Variants in P2RX6 observed in about 807,000 individuals in gnomAD.
P2RX6 encodes the protein purinergic receptor P2X 6.
In P2RX6, 62 loss-of-function variants were observed where a neutral mutation model predicts 54.2. The observed-to-expected ratio is 1.14, with a 90% CI of 0.93 to 1.41. P2RX6 has a LOEUF of 1.41. Ranked by LOEUF, P2RX6 falls within the 40% of genes most tolerant of loss-of-function variation. The pLI is 0.00. For synonymous variants in P2RX6, 211 were observed against 231.9 expected (o/e 0.91, Z 0.82); for missense variants, 541 against 566.3 (o/e 0.96, Z 0.45).
chr22:21,025,971 A>T, intron 9 of P2RX6, 40 bp from the exon 10 acceptor site: 7 of 1,594,718 alleles, frequency 4.4e-6, no homozygotes, highest in Non-Finnish European at 6.0e-6. Context: ...CATGAGGCTG[A>T]CAGTCGTGGG....
chr22:21,019,205 TC>T (rs555850621), intron 3 of P2RX6, among the ~76,000 whole-genome samples: 4 of 152,250 alleles, frequency 2.6e-5, no homozygotes, highest in South Asian at 4.1e-4. Context: ...GGCTGGAGGG[TC>T]GTTGTGCAGA....
At chr22:21,016,286 A>T (rs1225031866) in intron 2 of P2RX6, among the ~76,000 whole-genome samples, 194 bp downstream of exon 2, 1 of 152,176 alleles carries the variant, frequency 6.6e-6, no homozygotes, top group Non-Finnish European at 1.5e-5. Flanking sequence ...TTTGGGGTGG[A>T]AAAAGGGGCC....
Position 21,022,716 on chromosome 22 carries a change from A to G in P2RX6, c.428A>G (p.Asp143Gly). The stretch of plus-strand genomic sequence containing the variant: ...CTGGCTAACTGCTGGGTCGACGAGG[A>G]CTGCCCCGAAGGGGAGGGAGGCACA... ...VPLANCWVDEDCPEGEGGTHS... is the reference protein window; with the variant it reads ...VPLANCWVDEGCPEGEGGTHS... The change falls in exon 4 of 12, where the codon GAC (aspartate) becomes GGC (glycine). Residue 143 changes from aspartate (D) to glycine (G), a missense_variant. This residue lies in a region of P2RX6 where 526 missense variants were observed against 531.5 expected (regional missense o/e 0.99). Coordinates refer to ENST00000413302, the MANE Select transcript of P2RX6 (RefSeq NM_005446.5). 6.3e-7 allele frequency: 1 copy of G among 1,579,104 alleles called. No homozygotes were observed. The highest frequency in any genetic ancestry group is 1.4e-5 in the African/African-American group (1 of 73,830).
chr22:21,015,119 G>T (rs931875966), upstream of P2RX6: 23 of 1,160,096 alleles, frequency 2.0e-5, no homozygotes, highest in African/African-American at 3.2e-4. Context: ...GCCTGGCCTG[G>T]CTCGGGCCCT....
chr22:21,017,344 T>G (rs542612237), intron 2 of P2RX6, among the ~76,000 whole-genome samples: 1 of 152,288 alleles, frequency 6.6e-6, no homozygotes, highest in East Asian at 1.9e-4. Flanking sequence ...TTCACAGTGC[T>G]CTCACGAGCA....
In P2RX6 at chr22:21,023,140, C is replaced by T. The variant is rs1927744107; in HGVS notation, c.580C>T (p.Gln194Ter). ...VPSRPLLAQA[Q>*]NFTLFIKNTV... ...CAGGAGGCCCCTGCTGGCCCAGGCC[C>T]AGAACTTCACACTGTTCATCAAAAA... The change falls in exon 6 of 12, where the codon CAG becomes TAG. Residue 194 changes from glutamine to a stop codon, truncating the protein, a stop_gained. Transcript: ENST00000413302. LOFTEE classifies it high-confidence loss of function. The T allele has an allele frequency of 1.2e-6, 2 of 1,613,860 alleles. No individual in the cohort carries two copies. Among genetic ancestry groups the T allele is most frequent in the Non-Finnish European group, 1.7e-6 (2 of 1,179,840 alleles).
At chr22:21,021,718 C>T (rs74763258) in intron 3 of P2RX6, among the ~76,000 whole-genome samples, 2,790 of 152,114 alleles carry the variant, frequency 0.018, 80 homozygotes, top group African/African-American at 0.062. Flanking sequence ...GGAGAGTGCC[C>T]GATGCTCAAG....
intron 1 of P2RX6, chr22:21,010,076 A>C (rs1162615269): frequency 6.6e-6 from 1 of 152,244 alleles, no homozygotes; most frequent in African/African-American, 2.4e-5. Context: ...GGTAGGTGCT[A>C]CCATTGCCAT....
In P2RX6 at chr22:21,015,887, G is replaced by A. The variant is rs546226106; in HGVS notation, c.165-55G>A. ...AACTGAGCATGTAGGGCTCAGCTCCGCCCCTGTCACTACACGCTGGGGACA... is the reference window on the plus strand; with the variant it reads ...AACTGAGCATGTAGGGCTCAGCTCCACCCCTGTCACTACACGCTGGGGACA... On this transcript the variant is annotated intron_variant, in intron 1 of 11. Transcript: ENST00000413302. The A allele has an allele frequency of 6.6e-6, 10 of 1,525,178 alleles. No individual in the cohort carries two copies. The East Asian group carries it at 9.8e-5, about 15-fold the overall frequency. The allele number at this position is 1,525,178 out of a possible 1,614,324, so 94.5% of individuals were successfully genotyped here.
At chr22:21,025,660 C>T (rs1173472763) in intron 8 of P2RX6, 145 bp from the exon 9 acceptor site, 1 of 626,442 alleles carries the variant, frequency 1.6e-6, no homozygotes, top group Admixed American at 2.9e-5. Flanking sequence ...GTTTTCTCAC[C>T]AATTACATAG....
intron 3 of P2RX6, chr22:21,018,779 AT>A (rs60756839): frequency 0.28 from 40,633 of 144,914 alleles, 6,582 homozygotes; most frequent in Non-Finnish European, 0.39. Context: ...CGCCCAGCTA[AT>A]TTTTTTTTTT....
At chr22:21,012,832 C>G (rs964070012), upstream of P2RX6, among the ~76,000 whole-genome samples, 2 of 152,124 alleles carry the variant, frequency 1.3e-5, no homozygotes, top group Non-Finnish European at 2.9e-5. Context: ...CCCAGAGCCC[C>G]CAGCGGGTTA....
At chr22:21,012,447 C>G (rs1925789949), upstream of P2RX6, 2 of 434,482 alleles carry the variant, frequency 4.6e-6, no homozygotes, top group Non-Finnish European at 8.7e-6. Context: ...GTGACATGGC[C>G]CAGCTTTCAG....
At chr22:21,018,104 A>C in intron 3 of P2RX6, 44 bp downstream of exon 3, 1 of 1,411,890 alleles carries the variant, frequency 7.1e-7, no homozygotes, top group South Asian at 1.2e-5. Flanking sequence ...TTGTTCCTCC[A>C]TCAGCCCCAG....
upstream of P2RX6, chr22:21,012,708 A>G: frequency 2.8e-6 from 1 of 359,282 alleles, no homozygotes; most frequent in Non-Finnish European, 5.3e-6. Context: ...CTCATGCTCC[A>G]GGGCTCAGCC....
Position 21,023,188 on chromosome 22 carries a change from A to C in P2RX6, c.628A>C (p.Asn210His). 1 of 1,613,912 alleles carries C rather than the reference A, an allele frequency of 6.2e-7. No individual in the cohort carries two copies. The highest frequency in any genetic ancestry group is 8.5e-7 in the Non-Finnish European group (1 of 1,179,862). ...AAACACAGTCACCTTCAGCAAGTTC[A>C]ACTTCTCTAAGTAAGCAGAGTGGGT... ...IKNTVTFSKF[N>H]FSKSNALETW... Residue 210 changes from asparagine (N) to histidine (H), a missense_variant, in exon 6 of 12, where the codon AAC becomes CAC. By Grantham distance (68) the Asn-to-His change is moderately conservative. Around this residue, in one of 2 missense-constraint regions of P2RX6, gnomAD observed 526 missense variants for 531.5 expected, o/e 0.99. Transcript: ENST00000413302.
At chr22:21,016,526 T>C (rs1198617967) in intron 2 of P2RX6, among the ~76,000 whole-genome samples, 1 of 149,178 alleles carries the variant, frequency 6.7e-6, no homozygotes, top group Non-Finnish European at 1.5e-5. Flanking sequence ...GAGGTGGAGC[T>C]TGCAGTGAGC....
chr22:21,016,178 G>A, intron 2 of P2RX6, 86 bp downstream of exon 2: 1 of 1,366,160 alleles, frequency 7.3e-7, no homozygotes, highest in South Asian at 1.3e-5. Context: ...GTGTGTGCGA[G>A]AGAGAAGCAT....
rs775056506 is a variant in P2RX6, at chr22:21,026,384, T to G, written c.1129-36T>G. The G allele has an allele frequency of 1.3e-5, 21 of 1,587,662 alleles. No homozygotes were observed. Among genetic ancestry groups the G allele is most frequent in the Non-Finnish European group, 1.8e-5 (21 of 1,167,006 alleles). ...GGGTTCTGCCACACTTAGGAAGATGTTGGCTGGATCCCTGACCTGCTGTCC... is the reference window on the plus strand; with the variant it reads ...GGGTTCTGCCACACTTAGGAAGATGGTGGCTGGATCCCTGACCTGCTGTCC... On this transcript the variant is annotated intron_variant, in intron 11 of 11. Transcript: ENST00000413302. This position sits in a 1 kb window ranked among gnomAD's most constrained non-coding sequence, Gnocchi z 4.0.
Sources: gnomAD v4.1 joint callset for allele counts (sites outside exome capture counted in the v4.1 genomes callset) on GRCh38, gnomAD v4.1.1 for gene constraint, gnomAD v4.1.1 regional missense constraint, Gnocchi (gnomAD v3.1) non-coding constraint, MANE v1.5 for transcripts, NCBI Gene and HGNC (gene_info 2026-07-23, HGNC 2026-07-21) for gene names.